ZRANB3: variants seen among roughly 807,000 people sequenced by gnomAD.
The protein encoded by ZRANB3 is DNA annealing helicase and endonuclease ZRANB3.
ZRANB3 carries 125 observed loss-of-function variants against 133.8 expected under a neutral mutation model. The observed-to-expected ratio is 0.93, with a 90% CI of 0.81 to 1.08. The LOEUF is 1.08. Among genes scored for constraint, ZRANB3 ranks in the 50% least tolerant of loss-of-function variants. The pLI, the probability that ZRANB3 is intolerant of heterozygous loss-of-function variation, is 0.00. For missense variants in ZRANB3, 1,229 were observed against 1,275.5 expected, an observed-to-expected ratio of 0.96 and a Z score of 0.56; for synonymous variants, 387 against 432.7, an observed-to-expected ratio of 0.89 and a Z score of 1.31.
At chr2:135,202,108 A>G (rs1490234769) in intron 20 of ZRANB3, among the ~76,000 whole-genome samples, 2 of 152,236 alleles carry the variant, frequency 1.3e-5, no homozygotes. Flanking sequence ...AGTAAACTAC[A>G]GTAGAGATCT....
chr2:135,366,788 G>A (rs1685958886), intron 3 of ZRANB3, among the ~76,000 whole-genome samples: 2 of 152,086 alleles, frequency 1.3e-5, no homozygotes. Flanking sequence ...GGAGACCGAG[G>A]TGGGTGGATC....
chr2:135,398,935 T>C (rs1687618761), intron 2 of ZRANB3, among the ~76,000 whole-genome samples: 1 of 152,212 alleles, frequency 6.6e-6, no homozygotes, highest in Non-Finnish European at 1.5e-5. Flanking sequence ...AACCACCTAA[T>C]CACACTGTGT....
chr2:135,461,032 T>C (rs1300197389), intron 2 of ZRANB3, among the ~76,000 whole-genome samples: 2 of 152,162 alleles, frequency 1.3e-5, no homozygotes, highest in Admixed American at 1.3e-4. Context: ...GTATTACACA[T>C]CTGTAAATAT....
intron 14 of ZRANB3, among the ~76,000 whole-genome samples, chr2:135,225,417 T>C (rs2105061103): frequency 6.6e-6 from 1 of 152,352 alleles, no homozygotes; most frequent in South Asian, 2.1e-4. Flanking sequence ...TTGCCCACTT[T>C]ACAAACTTGA....
At chr2:135,378,778 G>A (rs1686547022) in intron 3 of ZRANB3, among the ~76,000 whole-genome samples, 1 of 152,032 alleles carries the variant, frequency 6.6e-6, no homozygotes, top group Admixed American at 6.6e-5. Context: ...ATAACCACAA[G>A]GAAAGTACCA....
intron 1 of ZRANB3, among the ~76,000 whole-genome samples, chr2:135,517,514 T>C (rs1313395873): frequency 1.3e-5 from 2 of 152,202 alleles, no homozygotes; most frequent in East Asian, 3.9e-4. Context: ...TAGTTTTCCT[T>C]CTAACAGTCA....
At chr2:135,352,728 T>C (rs1469154857) in intron 4 of ZRANB3, among the ~76,000 whole-genome samples, 1 of 152,164 alleles carries the variant, frequency 6.6e-6, no homozygotes, top group Admixed American at 6.6e-5. Flanking sequence ...AAAATCTAAG[T>C]ATTAACAGAT....
chr2:135,417,470 G>A (rs1322601092), intron 2 of ZRANB3, among the ~76,000 whole-genome samples: 1 of 152,086 alleles, frequency 6.6e-6, no homozygotes, highest in Non-Finnish European at 1.5e-5. Context: ...AACAAGTGCT[G>A]GAGAGGATGT....
intron 17 of ZRANB3, among the ~76,000 whole-genome samples, chr2:135,215,827 T>C (rs1341356389): frequency 1.3e-5 from 2 of 152,142 alleles, no homozygotes; most frequent in African/African-American, 4.8e-5. Flanking sequence ...AATTCTGTTT[T>C]GGGGGGTGCA....
intron 8 of ZRANB3, among the ~76,000 whole-genome samples, chr2:135,283,392 C>T (rs1057204214): frequency 2.0e-5 from 3 of 152,094 alleles, no homozygotes; most frequent in Admixed American, 6.6e-5. Flanking sequence ...AGGTGGATCA[C>T]GAGGTCAGGA....
intron 3 of ZRANB3, among the ~76,000 whole-genome samples, chr2:135,381,087 A>C (rs1423361139): frequency 6.6e-6 from 1 of 152,152 alleles, no homozygotes; most frequent in African/African-American, 2.4e-5. Flanking sequence ...GGATCAGGGA[A>C]TTCCCTTTCC....
chr2:135,284,736 G>A (rs1681267223), intron 8 of ZRANB3, among the ~76,000 whole-genome samples: 1 of 152,174 alleles, frequency 6.6e-6, no homozygotes. Flanking sequence ...CTCCCAAAGT[G>A]CTGGGATTAC....
chr2:135,353,401 T>C (rs750849519), intron 4 of ZRANB3, 49 bp downstream of exon 4: 3 of 1,346,094 alleles, frequency 2.2e-6, no homozygotes, highest in Admixed American at 4.8e-5. Context: ...ATATACCAGG[T>C]ACACACAAGG....
chr2:135,372,971 A>C (rs1335055340), intron 3 of ZRANB3, among the ~76,000 whole-genome samples: 1 of 151,518 alleles, frequency 6.6e-6, no homozygotes, highest in East Asian at 1.9e-4. Context: ...AGTCCTAGCT[A>C]CTTGGGAGGC....
intron 5 of ZRANB3, among the ~76,000 whole-genome samples, chr2:135,347,887 T>C (rs1371702811): frequency 6.6e-6 from 1 of 152,094 alleles, no homozygotes; most frequent in African/African-American, 2.4e-5. Flanking sequence ...ATCAATAACC[T>C]AATTTTTCAC....
chr2:135,439,638 A>G (rs1689694895), intron 2 of ZRANB3, among the ~76,000 whole-genome samples: 1 of 152,218 alleles, frequency 6.6e-6, no homozygotes, highest in African/African-American at 2.4e-5. Flanking sequence ...AGATTCTAGG[A>G]CTATTTCTGT....
intron 2 of ZRANB3, among the ~76,000 whole-genome samples, chr2:135,410,648 G>C (rs542965671): frequency 6.6e-6 from 1 of 152,058 alleles, no homozygotes; most frequent in East Asian, 1.9e-4. Context: ...GACTTGCACA[G>C]CAAAAGAAAC....
Position 135,227,826 on chromosome 2 carries a change from G to A in ZRANB3, c.2144C>T (p.Ser715Phe). 2 of 1,573,918 alleles carry A rather than the reference G, an allele frequency of 1.3e-6. No individual in the cohort carries two copies. The highest frequency in any genetic ancestry group is 1.7e-6 in the Non-Finnish European group (2 of 1,157,684). ...ACAAGACTTACCATTACCTGGCTGGGATGTAAGTCCGTCTTCTTTCTCAAT... is the reference window on the plus strand; with the variant it reads ...ACAAGACTTACCATTACCTGGCTGGAATGTAAGTCCGTCTTCTTTCTCAAT... ...PKIEKEDGLT[S>F]QPGNEQWKSS... Residue 715 changes from serine (S) to phenylalanine (F), a missense_variant, in exon 14 of 21, where the codon TCC becomes TTC. Ser to Phe is a radical substitution (Grantham distance 155, BLOSUM62 -2). Coordinates refer to ENST00000264159, the MANE Select transcript of ZRANB3 (RefSeq NM_032143.4).
At position 135,224,481 on chromosome 2, in the gene ZRANB3, T is replaced by C; in HGVS notation, c.2195A>G (p.Asp732Gly). 1 of 1,613,440 alleles carries C rather than the reference T, an allele frequency of 6.2e-7. No homozygotes were observed. Among genetic ancestry groups the C allele is most frequent in the South Asian group, 1.1e-5 (1 of 90,980 alleles). The change falls in exon 15 of 21, where the codon GAC (aspartate) becomes GGC (glycine). Residue 732 changes from aspartate to glycine, a missense_variant. By Grantham distance (94) the Asp-to-Gly change is moderately conservative. Coordinates refer to ENST00000264159, the MANE Select transcript of ZRANB3 (RefSeq NM_032143.4). The stretch of plus-strand genomic sequence containing the variant: ...CCTACTTGCACAGAACATTAAGGTG[T>C]CATACACTGGCAAAGTGTCTGAACT... ...WKSSDTLPVYDTLMFCASRNT... is the reference protein window; with the variant it reads ...WKSSDTLPVYGTLMFCASRNT...
Sources: allele counts gnomAD v4.1 joint callset (sites outside exome capture counted in the v4.1 genomes callset), GRCh38; gene constraint gnomAD v4.1.1; transcripts MANE v1.5; gene names NCBI Gene and HGNC (gene_info 2026-07-23, HGNC 2026-07-21).